Variants in DGKB observed in about 807,000 individuals in gnomAD.
DGKB encodes diacylglycerol kinase beta, also known as 90 kDa diacylglycerol kinase.
A neutral mutation model predicts 114.3 loss-of-function variants in DGKB; 67 were observed. The observed-to-expected ratio is 0.59, with a 90% CI of 0.48 to 0.72. The LOEUF is 0.72. DGKB is among the 30% of genes least tolerant of loss of function. DGKB has a pLI of 0.00. For missense variants in DGKB, 907 were observed against 975.2 expected (o/e 0.93, Z 0.93); for synonymous variants, 398 against 323.1 (o/e 1.23, Z -2.49).
chr7:14,556,150 C>T (rs1406096535), intron 20 of DGKB, among the ~76,000 whole-genome samples: 1 of 152,112 alleles, frequency 6.6e-6, no homozygotes, highest in Non-Finnish European at 1.5e-5. Context: ...ATATTCAAGC[C>T]TTATTTTATA....
intron 1 of DGKB, among the ~76,000 whole-genome samples, chr7:14,956,791 T>C (rs1272884283): frequency 1.3e-5 from 2 of 151,918 alleles, no homozygotes; most frequent in Non-Finnish European, 2.9e-5. Flanking sequence ...GGTGTCAGCA[T>C]TAAGGTGAAT....
intron 17 of DGKB, among the ~76,000 whole-genome samples, chr7:14,586,457 G>A (rs988509403): frequency 6.6e-6 from 1 of 152,154 alleles, no homozygotes; most frequent in African/African-American, 2.4e-5. Context: ...TAAACAGCAA[G>A]TGCTGAGGAA....
At chr7:14,627,430 C>T (rs1262583814) in intron 14 of DGKB, among the ~76,000 whole-genome samples, 3 of 152,006 alleles carry the variant, frequency 2.0e-5, no homozygotes, top group African/African-American at 7.3e-5. Flanking sequence ...ATGATTTTAT[C>T]CTGGGTATAA....
At chr7:14,184,393 C>G (rs945581719) in intron 23 of DGKB, among the ~76,000 whole-genome samples, 1 of 152,056 alleles carries the variant, frequency 6.6e-6, no homozygotes, top group Non-Finnish European at 1.5e-5. Context: ...GTTTTCAGGC[C>G]GGTCTCACCT....
At chr7:14,695,866 T>C (rs141325612) in intron 8 of DGKB, among the ~76,000 whole-genome samples, 5 of 152,038 alleles carry the variant, frequency 3.3e-5, no homozygotes, top group Admixed American at 1.3e-4. Flanking sequence ...TACATTTGTT[T>C]ACAATGAGAA....
chr7:14,280,111 A>G (rs1313186378), intron 23 of DGKB, among the ~76,000 whole-genome samples: 2 of 151,404 alleles, frequency 1.3e-5, no homozygotes, highest in African/African-American at 4.8e-5. Flanking sequence ...GAAAACTTTG[A>G]AAAAAATTTA....
intron 21 of DGKB, among the ~76,000 whole-genome samples, chr7:14,475,580 T>C (rs189997783): frequency 6.6e-6 from 1 of 152,280 alleles, no homozygotes; most frequent in Non-Finnish European, 1.5e-5. Flanking sequence ...TACCTGGTTC[T>C]TGAACTCGCA....
chr7:14,922,392 G>GTGTA (rs1473962215), intron 1 of DGKB, among the ~76,000 whole-genome samples: 5 of 151,564 alleles, frequency 3.3e-5, no homozygotes, highest in Non-Finnish European at 5.9e-5. Flanking sequence ...GTGTGTGTGT[G>GTGTA]TGTGTGTGTG....
intron 23 of DGKB, among the ~76,000 whole-genome samples, chr7:14,273,875 C>G (rs1415534646): frequency 3.3e-5 from 5 of 152,134 alleles, no homozygotes; most frequent in Non-Finnish European, 7.3e-5. Flanking sequence ...GTCTGAATAT[C>G]AGTAATTTCT....
intron 23 of DGKB, among the ~76,000 whole-genome samples, chr7:14,230,690 C>T (rs1052187220): frequency 6.6e-6 from 1 of 150,876 alleles, no homozygotes; most frequent in Non-Finnish European, 1.5e-5. Context: ...CTTCTGAGAT[C>T]AACCGATCTT....
rs1268409743 is a variant in DGKB at position 14,574,321 on chromosome 7, G to C, written c.1661C>G (p.Thr554Arg). The C allele has an allele frequency of 6.2e-7, 1 of 1,612,970 alleles. No homozygotes were observed. The highest frequency in any genetic ancestry group is 8.5e-7 in the Non-Finnish European group (1 of 1,179,542). The change falls in exon 20 of 26, where the codon ACA becomes AGA. Residue 554 changes from threonine (T) to arginine (R), a missense_variant. Physicochemically the swap from Thr to Arg is moderately conservative, Grantham distance 71. Transcript: ENST00000402815. ...MKILKDIENSTEIMLDRWKFE... is the reference protein window; with the variant it reads ...MKILKDIENSREIMLDRWKFE... ...CTTCCACCTGTCCAACATGATTTCT[G>C]TGCTGTTTTCAATGTCTTTTAGAAT...
At chr7:14,645,266 C>T (rs899677819) in intron 13 of DGKB, among the ~76,000 whole-genome samples, 1 of 152,162 alleles carries the variant, frequency 6.6e-6, no homozygotes, top group Non-Finnish European at 1.5e-5. Context: ...ATCTTACTCA[C>T]TTTCTGGTGT....
chr7:14,747,779 G>A (rs79086689), intron 4 of DGKB, among the ~76,000 whole-genome samples: 52,546 of 148,336 alleles, frequency 0.35, 12,649 homozygotes, highest in African/African-American at 0.68. Flanking sequence ...CCACGCGCAC[G>A]CACACACACA....
intron 21 of DGKB, among the ~76,000 whole-genome samples, chr7:14,380,385 A>T (rs2128678867): frequency 6.6e-6 from 1 of 152,224 alleles, no homozygotes; most frequent in South Asian, 2.1e-4. Flanking sequence ...TAAAGAAAAT[A>T]AAATTCTTCT....
chr7:14,919,625 G>C (rs1477004395), intron 1 of DGKB, among the ~76,000 whole-genome samples: 1 of 152,148 alleles, frequency 6.6e-6, no homozygotes, highest in Non-Finnish European at 1.5e-5. Context: ...CAGACAAAAA[G>C]ATAAGTAAAC....
chr7:14,785,895 T>C (rs561369602), intron 2 of DGKB, among the ~76,000 whole-genome samples: 190 of 146,372 alleles, frequency 1.3e-3, no homozygotes, highest in Non-Finnish European at 2.2e-3. Flanking sequence ...AAGTTTTTCT[T>C]TTTTTTTTTT....
chr7:14,345,500 T>C, intron 21 of DGKB, 109 bp from the exon 22 acceptor site: 2 of 589,264 alleles, frequency 3.4e-6, no homozygotes, highest in South Asian at 2.1e-5. Flanking sequence ...TCTGAGGACA[T>C]GTGACATCTA....
intron 21 of DGKB, among the ~76,000 whole-genome samples, chr7:14,384,020 T>C (rs547150962): frequency 1.8e-4 from 28 of 152,206 alleles, no homozygotes; most frequent in Non-Finnish European, 3.7e-4. Context: ...ACTGAAAGGC[T>C]TTTAAACATG....
intron 1 of DGKB, among the ~76,000 whole-genome samples, chr7:14,900,990 C>T (rs1303042755): frequency 6.6e-6 from 1 of 152,052 alleles, no homozygotes; most frequent in Non-Finnish European, 1.5e-5. Context: ...TCATTGCTGT[C>T]AAAAATTTTT....
Sources: gnomAD v4.1 joint callset for allele counts (sites outside exome capture counted in the v4.1 genomes callset) on GRCh38, gnomAD v4.1.1 for gene constraint, MANE v1.5 for transcripts, NCBI Gene and HGNC (gene_info 2026-07-23, HGNC 2026-07-21) for gene names.